PDE8A: variants seen among roughly 807,000 people sequenced by gnomAD.
PDE8A encodes the protein high affinity cAMP-specific and IBMX-insensitive 3',5'-cyclic phosphodiesterase 8A.
Under a neutral mutation model 105.0 loss-of-function variants are expected in PDE8A, and 59 were observed. That is an observed-to-expected ratio of 0.56 (90% CI 0.46 to 0.70). The LOEUF is 0.70. PDE8A is among the 30% of genes least tolerant of loss of function. The pLI is 0.00. For synonymous variants in PDE8A, 355 were observed against 371.9 expected, an observed-to-expected ratio of 0.95 and a Z score of 0.52; for missense variants, 1,014 against 1,045.9, an observed-to-expected ratio of 0.97 and a Z score of 0.42.
intron 1 of PDE8A, among the ~76,000 whole-genome samples, chr15:85,016,611 C>G (rs889927158): frequency 6.6e-6 from 1 of 152,166 alleles, no homozygotes; most frequent in Non-Finnish European, 1.5e-5. Flanking sequence ...TTTCCCTTTT[C>G]AGGGTCTTCT....
intron 1 of PDE8A, chr15:85,063,816 C>T (rs193151761): frequency 6.5e-6 from 1 of 152,672 alleles, no homozygotes; most frequent in East Asian, 1.9e-4. Flanking sequence ...TTTAGCATTA[C>T]ATTCTCAAAT....
At position 85,126,316 on chromosome 15, in the gene PDE8A, G is replaced by A. The variant is rs772229631; in HGVS notation, c.2195G>A (p.Arg732Gln). ...TGTGCTGATGTGTCCAATCCCTGCC[G>A]ACCCCTGCAGTACTGCATCGAGTGG... ...IKCADVSNPC[R>Q]PLQYCIEWAA... Residue 732 changes from arginine (R) to glutamine (Q), a missense_variant, in exon 20 of 22, where the codon CGA (arginine) becomes CAA (glutamine). Physicochemically the swap from Arg to Gln is conservative, Grantham distance 43 (BLOSUM62 1). Transcript: ENST00000394553. The A allele has an allele frequency of 2.5e-6, 4 of 1,612,428 alleles. No homozygotes were observed. The highest frequency in any genetic ancestry group is 3.4e-6 in the Non-Finnish European group (4 of 1,179,308).
At chr15:85,106,164 C>G (rs2081944461) in intron 11 of PDE8A, among the ~76,000 whole-genome samples, 1 of 152,032 alleles carries the variant, frequency 6.6e-6, no homozygotes, top group African/African-American at 2.4e-5. Flanking sequence ...CTGCTTGCTC[C>G]TCTCCAGCCA....
intron 1 of PDE8A, among the ~76,000 whole-genome samples, chr15:85,042,158 G>T (rs925012139): frequency 6.6e-6 from 1 of 151,894 alleles, no homozygotes; most frequent in Admixed American, 6.6e-5. Flanking sequence ...AGAAGACTCA[G>T]AGGTTTGTTT....
intron 3 of PDE8A, among the ~76,000 whole-genome samples, chr15:85,071,808 A>AG (rs1567265559): frequency 2.6e-5 from 4 of 152,178 alleles, no homozygotes; most frequent in African/African-American, 9.7e-5. Flanking sequence ...CAGGATGAGA[A>AG]GGGGGGCCTG....
chr15:85,089,293 T>C, intron 6 of PDE8A, 45 bp from the exon 7 acceptor site: 2 of 971,386 alleles, frequency 2.1e-6, no homozygotes, highest in Non-Finnish European at 3.2e-6. Flanking sequence ...GATTTTATTT[T>C]GTAGTATTTA....
At chr15:85,104,483 T>A (rs1198902829) in intron 11 of PDE8A, among the ~76,000 whole-genome samples, 1 of 151,824 alleles carries the variant, frequency 6.6e-6, no homozygotes, top group Non-Finnish European at 1.5e-5. Flanking sequence ...AAGACAGTCA[T>A]GGAGAAAAGA....
intron 3 of PDE8A, among the ~76,000 whole-genome samples, chr15:85,072,185 A>C (rs182886763): frequency 1.3e-5 from 2 of 152,230 alleles, no homozygotes; most frequent in Non-Finnish European, 2.9e-5. Flanking sequence ...TTCATCTGAA[A>C]CTCATTCCAC....
intron 1 of PDE8A, among the ~76,000 whole-genome samples, chr15:85,043,864 AT>A (rs1386830256): frequency 3.3e-5 from 5 of 151,924 alleles, no homozygotes; most frequent in African/African-American, 1.2e-4. Flanking sequence ...CGCCAAGCTA[AT>A]TTTTGGTATT....
At chr15:85,009,092 AGAGAG>A (rs549306437) in intron 1 of PDE8A, among the ~76,000 whole-genome samples, 7 of 142,930 alleles carry the variant, frequency 4.9e-5, no homozygotes, top group South Asian at 4.3e-4. Flanking sequence ...TTAGTGTGTG[AGAGAG>A]AGAGAGAGAG....
intron 1 of PDE8A, among the ~76,000 whole-genome samples, chr15:84,983,564 T>G (rs1489330736): frequency 6.6e-6 from 1 of 152,228 alleles, no homozygotes; most frequent in Non-Finnish European, 1.5e-5. Context: ...TTGTTCTGAT[T>G]ATCAGAAATT....
At chr15:85,027,023 T>C (rs1396640525) in intron 1 of PDE8A, among the ~76,000 whole-genome samples, 1 of 152,236 alleles carries the variant, frequency 6.6e-6, no homozygotes, top group Non-Finnish European at 1.5e-5. Context: ...AATACCTCAG[T>C]TAATAGGTTA....
At chr15:85,120,688 A>T in intron 17 of PDE8A, 109 bp from the exon 18 acceptor site, 1 of 694,716 alleles carries the variant, frequency 1.4e-6, no homozygotes, top group South Asian at 2.0e-5. Flanking sequence ...TTTTCTTAGA[A>T]ATCTGAAATA....
intron 1 of PDE8A, among the ~76,000 whole-genome samples, chr15:84,989,496 G>C (rs546361491): frequency 2.6e-5 from 4 of 152,324 alleles, no homozygotes; most frequent in South Asian, 4.1e-4. Flanking sequence ...TGTCTGCAAA[G>C]GTTTGGTGTT....
intron 11 of PDE8A, among the ~76,000 whole-genome samples, chr15:85,102,638 G>A (rs2081882659): frequency 1.3e-5 from 2 of 151,274 alleles, no homozygotes; most frequent in Admixed American, 1.3e-4. Flanking sequence ...GTCGGGAGTT[G>A]AGAGCAGCCT....
chr15:85,095,881 TTA>T (rs201009571), intron 8 of PDE8A, among the ~76,000 whole-genome samples: 22 of 148,502 alleles, frequency 1.5e-4, no homozygotes, highest in African/African-American at 5.5e-4. Context: ...TATATTTTTT[TTA>T]TATATATATT....
At chr15:85,006,695 A>G (rs556606188) in intron 1 of PDE8A, among the ~76,000 whole-genome samples, 5 of 152,088 alleles carry the variant, frequency 3.3e-5, no homozygotes, top group African/African-American at 9.6e-5. Flanking sequence ...TGTGTGGTGA[A>G]TAACTTTTTT....
intron 1 of PDE8A, among the ~76,000 whole-genome samples, chr15:85,020,503 C>T (rs1196986845): frequency 2.6e-5 from 4 of 152,206 alleles, no homozygotes; most frequent in African/African-American, 7.2e-5. Flanking sequence ...ACTTGGCAGG[C>T]TGAGGCACGG....
At chr15:85,041,158 A>G (rs1033065476) in intron 1 of PDE8A, among the ~76,000 whole-genome samples, 39 of 152,234 alleles carry the variant, frequency 2.6e-4, no homozygotes, top group African/African-American at 9.2e-4. Flanking sequence ...GATGCTATAC[A>G]TGAAAATGTC....
Sources: gnomAD v4.1 joint callset for allele counts (sites outside exome capture counted in the v4.1 genomes callset) on GRCh38, gnomAD v4.1.1 for gene constraint, MANE v1.5 for transcripts, NCBI Gene and HGNC (gene_info 2026-07-23, HGNC 2026-07-21) for gene names.